The following IGFBP5 variants were observed in gnomAD, a reference collection of about 807,000 sequenced individuals.
IGFBP5 encodes insulin like growth factor binding protein 5, also known as insulin-like growth factor-binding protein 5.
In IGFBP5, 12 loss-of-function variants were observed where a neutral mutation model predicts 28.0. That is an observed-to-expected ratio of 0.43 (90% CI 0.27 to 0.69). The LOEUF is 0.69. Among genes scored for constraint, IGFBP5 ranks in the 30% least tolerant of loss-of-function variants. IGFBP5 has a pLI of 0.20. For missense variants in IGFBP5, 344 were observed against 381.6 expected (o/e 0.90, Z 0.82); for synonymous variants, 152 against 150.2 (o/e 1.01, Z -0.09).
intron 1 of IGFBP5, among the ~76,000 whole-genome samples, chr2:216,682,232 A>T (rs1688984909): frequency 6.6e-6 from 1 of 152,164 alleles, no homozygotes; most frequent in African/African-American, 2.4e-5. Flanking sequence ...GCAGCAGCAG[A>T]GTCCAGTGTC....
intron 1 of IGFBP5, among the ~76,000 whole-genome samples, chr2:216,686,013 C>T (rs1035304231): frequency 2.3e-4 from 35 of 150,036 alleles, no homozygotes; most frequent in African/African-American, 8.5e-4. Flanking sequence ...AAAAAAAAAC[C>T]CAAAGCTGTC....
In IGFBP5 at chr2:216,679,679, G is replaced by A. The variant is rs188889638; in HGVS notation, c.338-600C>T. On this transcript the variant is annotated intron_variant, in intron 1 of 3. Coordinates refer to ENST00000233813, the MANE Select transcript of IGFBP5 (RefSeq NM_000599.4). The surrounding 1 kb of genome is among the most constrained non-coding windows in gnomAD (Gnocchi z 4.6). ...GGGTCCTGGGGTCTGGAGCAGCAGG[G>A]TGGTGAGGACCTTCATAAGCGGCAG... Among the ~76,000 whole-genome samples the A allele has an allele frequency of 1.8e-4, 27 of 152,226 alleles. No homozygotes were observed. In the East Asian group the frequency reaches 4.7e-3, roughly 26 times the overall value.
At chr2:216,685,400 C>T (rs892956432) in intron 1 of IGFBP5, among the ~76,000 whole-genome samples, 1 of 152,120 alleles carries the variant, frequency 6.6e-6, no homozygotes, top group South Asian at 2.1e-4. Flanking sequence ...ACTTCGTGGC[C>T]ACATATGGAC....
At chr2:216,687,241 C>T (rs938049864) in intron 1 of IGFBP5, among the ~76,000 whole-genome samples, 2 of 152,218 alleles carry the variant, frequency 1.3e-5, no homozygotes, top group African/African-American at 4.8e-5. Flanking sequence ...CCGGACCCGT[C>T]TCCACTTAGA....
chr2:216,694,337 C>A lies in IGFBP5; in HGVS notation c.337+102G>T. 1 of 1,028,472 alleles carries A rather than the reference C, an allele frequency of 9.7e-7. No individual in the cohort carries two copies. The allele number at this position is 1,028,472 out of a possible 1,614,324, so 63.7% of individuals were successfully genotyped here. On this transcript the variant is annotated intron_variant, in intron 1 of 3. Coordinates refer to ENST00000233813, the MANE Select transcript of IGFBP5 (RefSeq NM_000599.4). This position sits in a 1 kb window ranked among gnomAD's most constrained non-coding sequence, Gnocchi z 5.2. ...CTCCCCGACTACTCCCGAGCTGCAC[C>A]CCAGCTCGAAGCCACTTGCTGCGCA...
At position 216,692,829 on chromosome 2, in the gene IGFBP5, G is replaced by T. The variant is rs1002581706; in HGVS notation, c.337+1610C>A. ...TACCTCTTGCAAAGCTAGAGGGGCT[G>T]GCCCCTGCGCCACTCAAACCCTGCA... On this transcript the variant is annotated intron_variant, in intron 1 of 3. Transcript: ENST00000233813. The surrounding 1 kb of genome is among the most constrained non-coding windows in gnomAD (Gnocchi z 4.2). Among the ~76,000 whole-genome samples the T allele has an allele frequency of 6.6e-6, 1 of 152,068 alleles. No individual in the cohort carries two copies. The highest frequency in any genetic ancestry group is 6.5e-5 in the Admixed American group (1 of 15,280).
In IGFBP5 at chr2:216,676,898, C is replaced by A. The variant is rs1429871754; in HGVS notation, c.688-16G>T. ...AAGGTTTGCACTGGGGTGAGTAGAG[C>A]AACAGGCGGTGAGGACGGCCGCACC... On this transcript the variant is annotated splice_polypyrimidine_tract_variant and intron_variant, in intron 3 of 3. Transcript: ENST00000233813. 2 of 1,613,208 alleles carry A rather than the reference C, an allele frequency of 1.2e-6. No individual in the cohort carries two copies. The highest frequency in any genetic ancestry group is 2.2e-5 in the East Asian group (1 of 44,824).
chr2:216,692,569 C>T lies in IGFBP5; in HGVS notation c.337+1870G>A, dbSNP rs1469762342. ...GGTGTGACTGGATTGTTACCCAGGG[C>T]GGTGGCTCCCAAGCCGGGAAATCAA... On this transcript the variant is annotated intron_variant, in intron 1 of 3. Coordinates refer to ENST00000233813, the MANE Select transcript of IGFBP5 (RefSeq NM_000599.4). This position sits in a 1 kb window ranked among gnomAD's most constrained non-coding sequence, Gnocchi z 4.2. Among the ~76,000 whole-genome samples the T allele has an allele frequency of 6.6e-6, 1 of 152,080 alleles. No homozygotes were observed. Among genetic ancestry groups the T allele is most frequent in the East Asian group, 1.9e-4 (1 of 5,170 alleles).
At chr2:216,677,301 T>G (rs1431450073) in intron 3 of IGFBP5, among the ~76,000 whole-genome samples, 1 of 152,136 alleles carries the variant, frequency 6.6e-6, no homozygotes, top group Non-Finnish European at 1.5e-5. Context: ...GCAGGGATTC[T>G]CAAGAGAGTT....
At chr2:216,690,632 C>T (rs1689084045) in intron 1 of IGFBP5, among the ~76,000 whole-genome samples, 1 of 151,774 alleles carries the variant, frequency 6.6e-6, no homozygotes, top group South Asian at 2.1e-4. Flanking sequence ...TGCAGGCCCA[C>T]CTGCCTGCTC....
intron 1 of IGFBP5, among the ~76,000 whole-genome samples, chr2:216,681,710 G>A (rs1688979732): frequency 6.6e-6 from 1 of 152,130 alleles, no homozygotes; most frequent in African/African-American, 2.4e-5. Context: ...TTGGTCAGAG[G>A]GTGCCCTTTT....
rs78857496 is a variant in IGFBP5 at position 216,679,129 on chromosome 2, C to G, written c.338-50G>C. On this transcript the variant is annotated intron_variant, in intron 1 of 3. Transcript: ENST00000233813. This position sits in a 1 kb window ranked among gnomAD's most constrained non-coding sequence, Gnocchi z 4.6. ...CAGCCCCCGTGGGCCAAGGTGCACA[C>G]GGCCAGAGCCCAGGGCTGGGCAGTT... 4.7e-6 allele frequency: 7 copies of G among 1,500,180 alleles called. No homozygotes were observed. The Admixed American group carries it at 6.8e-5, about 15-fold the overall frequency. 92.9% of individuals were successfully genotyped at this position (1,500,180 alleles called of 1,614,324 possible).
intron 1 of IGFBP5, among the ~76,000 whole-genome samples, chr2:216,682,069 T>G (rs1366105225): frequency 6.6e-6 from 1 of 152,160 alleles, no homozygotes; most frequent in Non-Finnish European, 1.5e-5. Context: ...TTGCAAACTC[T>G]CTCCTTTTCC....
intron 1 of IGFBP5, among the ~76,000 whole-genome samples, chr2:216,693,484 G>A (rs1689126308): frequency 6.6e-6 from 1 of 151,276 alleles, no homozygotes; most frequent in Admixed American, 6.6e-5. Context: ...CGGGGCGGGG[G>A]TGGAGGTGGT....
intron 1 of IGFBP5, among the ~76,000 whole-genome samples, chr2:216,680,672 G>T (rs898208995): frequency 1.3e-5 from 2 of 152,164 alleles, no homozygotes; most frequent in African/African-American, 2.4e-5. Flanking sequence ...CCCTAAAGAA[G>T]CCTCCAAAGG....
rs757221876 is a variant in IGFBP5, at chr2:216,692,144, GGAA to G, written c.337+2292_337+2294del. ...CGCCCACTCCCATCCCATCTGTTCG[GGAA>G]GAAGATGTCGGCACCAGCAGCGGTG... On this transcript the variant is annotated intron_variant, in intron 1 of 3. Coordinates refer to ENST00000233813, the MANE Select transcript of IGFBP5 (RefSeq NM_000599.4). The surrounding 1 kb of genome is among the most constrained non-coding windows in gnomAD (Gnocchi z 4.2). Among the ~76,000 whole-genome samples the G allele has an allele frequency of 1.2e-4, 19 of 152,260 alleles. No individual in the cohort carries two copies. The East Asian group carries it at 3.3e-3, about 26-fold the overall frequency.
At chr2:216,682,116 T>C (rs561893310) in intron 1 of IGFBP5, among the ~76,000 whole-genome samples, 1 of 152,320 alleles carries the variant, frequency 6.6e-6, no homozygotes, top group Non-Finnish European at 1.5e-5. Context: ...GGGCACACCT[T>C]CCCCAGCTTT....
chr2:216,685,574 A>AG (rs1334290824), intron 1 of IGFBP5, among the ~76,000 whole-genome samples: 1 of 152,194 alleles, frequency 6.6e-6, no homozygotes, highest in Admixed American at 6.5e-5. Flanking sequence ...GCCAACTTGC[A>AG]GCCACCAGCC....
intron 3 of IGFBP5, among the ~76,000 whole-genome samples, chr2:216,677,678 C>T (rs1431765342): frequency 2.6e-5 from 4 of 152,204 alleles, no homozygotes; most frequent in Non-Finnish European, 5.9e-5. Flanking sequence ...AGCCATCAGC[C>T]ATGCCCTCCA....
Sources: gnomAD v4.1 joint callset for allele counts (sites outside exome capture counted in the v4.1 genomes callset) on GRCh38, gnomAD v4.1.1 for gene constraint, Gnocchi (gnomAD v3.1) non-coding constraint, MANE v1.5 for transcripts, NCBI Gene and HGNC (gene_info 2026-07-23, HGNC 2026-07-21) for gene names.